The following SLC9D1 variants were observed in gnomAD, a reference collection of about 807,000 sequenced individuals.
The protein encoded by SLC9D1 is solute carrier family 9 member D1.
the SLC9D1 span, among the ~76,000 whole-genome samples, chr13:113,538,076 G>A: frequency 4.6e-5 from 7 of 151,522 alleles, no homozygotes; most frequent in East Asian, 1.9e-4. Context: ...GCATGCATTC[G>A]TTTGCCTTGT....
chr13:113,540,520 T>C, the SLC9D1 span, among the ~76,000 whole-genome samples: 12 of 152,270 alleles, frequency 7.9e-5, no homozygotes, highest in Non-Finnish European at 1.5e-4. Context: ...ATACGTGTTG[T>C]GTTGGCCGTG....
the SLC9D1 span, chr13:113,514,260 G>A: frequency 6.6e-6 from 1 of 152,042 alleles, no homozygotes; most frequent in African/African-American, 2.4e-5. Context: ...ACAGGCCAGA[G>A]GAAGACATTT....
chr13:113,491,501 C>T, the SLC9D1 span, among the ~76,000 whole-genome samples: 1 of 151,326 alleles, frequency 6.6e-6, no homozygotes, highest in African/African-American at 2.4e-5. Context: ...TCCTTCCCTC[C>T]CTCCCTGGGG....
the SLC9D1 span, among the ~76,000 whole-genome samples, chr13:113,492,111 C>T: frequency 1.3e-5 from 2 of 152,248 alleles, no homozygotes; most frequent in South Asian, 4.1e-4. Context: ...TCCCCAGGAG[C>T]TGGGGCCACA....
chr13:113,548,670 C>T, the SLC9D1 span, among the ~76,000 whole-genome samples: 3 of 152,228 alleles, frequency 2.0e-5, no homozygotes, highest in Admixed American at 2.0e-4. Context: ...ATTGCATTAA[C>T]CTTTTACAAC....
chr13:113,516,709 G>A, the SLC9D1 span, among the ~76,000 whole-genome samples: 59 of 152,230 alleles, frequency 3.9e-4, no homozygotes, highest in African/African-American at 1.3e-3. Context: ...TGCAAATTCT[G>A]CTCCTTTTCT....
At chr13:113,533,777 T>C in the SLC9D1 span, among the ~76,000 whole-genome samples, 1 of 152,236 alleles carries the variant, frequency 6.6e-6, no homozygotes, top group Admixed American at 6.5e-5. Flanking sequence ...ATAGGAACGC[T>C]GTCAGTCGAG....
the SLC9D1 span, among the ~76,000 whole-genome samples, chr13:113,549,069 G>A: frequency 1.8e-3 from 275 of 152,318 alleles, 1 homozygote; most frequent in African/African-American, 6.1e-3. Flanking sequence ...ACAGGCTAAA[G>A]CTGTTATCCT....
chr13:113,523,268 A>G, the SLC9D1 span, among the ~76,000 whole-genome samples: 1 of 152,190 alleles, frequency 6.6e-6, no homozygotes, highest in African/African-American at 2.4e-5. Flanking sequence ...AGAATTCTGC[A>G]GTAAAACCCT....
At chr13:113,503,415 A>G in the SLC9D1 span, 1 of 990,436 alleles carries the variant, frequency 1.0e-6, no homozygotes, top group Non-Finnish European at 1.6e-6. Flanking sequence ...CACCGGGCAT[A>G]CTAGGGCATG....
the SLC9D1 span, among the ~76,000 whole-genome samples, chr13:113,546,656 G>A: frequency 2.0e-5 from 3 of 152,080 alleles, no homozygotes; most frequent in African/African-American, 7.2e-5. This position sits in a 1 kb window ranked among gnomAD's most constrained non-coding sequence, Gnocchi z 7.1. Context: ...CTGGGCTGCC[G>A]GGCTTCCTCC....
the SLC9D1 span, chr13:113,499,840 A>T: frequency 1.9e-6 from 1 of 527,246 alleles, no homozygotes; most frequent in South Asian, 8.2e-5. Context: ...AGAAGTCCTA[A>T]TTCACTGCTA....
At chr13:113,520,908 C>T in the SLC9D1 span, among the ~76,000 whole-genome samples, 2 of 152,332 alleles carry the variant, frequency 1.3e-5, no homozygotes, top group African/African-American at 4.8e-5. Context: ...TTAGCAGCTC[C>T]TCACCACGGG....
chr13:113,493,190 C>T, the SLC9D1 span, among the ~76,000 whole-genome samples: 1 of 152,154 alleles, frequency 6.6e-6, no homozygotes, highest in African/African-American at 2.4e-5. Flanking sequence ...AATTATAGCT[C>T]CCTTAGAGGG....
the SLC9D1 span, chr13:113,547,168 A>G: frequency 1.4e-6 from 1 of 721,750 alleles, no homozygotes; most frequent in Non-Finnish European, 2.4e-6. Flanking sequence ...TGTTGCTTTC[A>G]CACGTGCACT....
chr13:113,500,002 A>G, the SLC9D1 span: 5 of 1,568,998 alleles, frequency 3.2e-6, no homozygotes, highest in Non-Finnish European at 3.5e-6. Context: ...TGGAGGAAGA[A>G]GAGGCCAATT....
the SLC9D1 span, among the ~76,000 whole-genome samples, chr13:113,517,876 G>A: frequency 1.3e-5 from 2 of 150,868 alleles, no homozygotes; most frequent in Non-Finnish European, 3.0e-5. Flanking sequence ...GTGGGTGGAG[G>A]GAAGAGGGGC....
chr13:113,506,246 G>A, the SLC9D1 span, among the ~76,000 whole-genome samples: 1 of 102,970 alleles, frequency 9.7e-6, no homozygotes, highest in African/African-American at 4.6e-5. Context: ...TGTGGAGGAA[G>A]GAGCCTGTTA....
chr13:113,502,049 C>A, the SLC9D1 span, among the ~76,000 whole-genome samples: 1 of 152,182 alleles, frequency 6.6e-6, no homozygotes, highest in Non-Finnish European at 1.5e-5. Flanking sequence ...CTCAGGAAGT[C>A]GCTGTGCCTG....
Sources: allele counts gnomAD v4.1 joint callset (sites outside exome capture counted in the v4.1 genomes callset), GRCh38; gene constraint gnomAD v4.1.1; non-coding constraint Gnocchi (gnomAD v3.1); transcripts MANE v1.5; gene names NCBI Gene and HGNC (gene_info 2026-07-23, HGNC 2026-07-21).